KDM5B: variants seen among roughly 807,000 people sequenced by gnomAD.
KDM5B encodes lysine-specific demethylase 5B.
In KDM5B, 144 loss-of-function variants were observed where a neutral mutation model predicts 193.4. The observed-to-expected ratio is 0.74, with a 90% confidence interval of 0.65 to 0.86. The LOEUF (loss-of-function observed/expected upper bound fraction) is 0.86. Among genes scored for constraint, KDM5B ranks in the 40% least tolerant of loss-of-function variants. The probability of loss-of-function intolerance (pLI) is 0.00; values close to 1 mark genes in which losing one functional copy is unlikely to be tolerated. For missense variants in KDM5B, 1,833 were observed against 1,886.9 expected (o/e 0.97, Z 0.53); for synonymous variants, 668 against 682.6 (o/e 0.98, Z 0.33).
Position 202,733,527 on chromosome 1 carries a change from G to C in KDM5B, c.3783C>G (p.Asn1261Lys). The C allele has an allele frequency of 6.2e-7, 1 of 1,614,178 alleles. No homozygotes were observed. Among genetic ancestry groups the C allele is most frequent in the Non-Finnish European group, 8.5e-7 (1 of 1,180,026 alleles). ...ALRYMIERTV[N>K]WQHRAQQLLS... ...GCAGTTGCTGGGCTCTGTGCTGCCA[G>C]TTCACGGTTCTTTCAATCATATATC... The change falls in exon 23 of 27, where the codon AAC becomes AAG. Residue 1261 changes from asparagine to lysine, a missense_variant. Transcript: ENST00000367265.
intron 23 of KDM5B, among the ~76,000 whole-genome samples, chr1:202,733,179 A>G (rs1654955903): frequency 6.6e-6 from 1 of 152,236 alleles, no homozygotes; most frequent in Admixed American, 6.5e-5. Flanking sequence ...TATGTGCTCT[A>G]TAGAAAGAGT....
chr1:202,785,009 C>CAAA (rs11445160), intron 1 of KDM5B, among the ~76,000 whole-genome samples: 1 of 89,412 alleles, frequency 1.1e-5, no homozygotes, highest in Admixed American at 1.1e-4. Context: ...GAGCCTGTCT[C>CAAA]AAAAAAAAAA....
chr1:202,740,834 T>G (rs1655308227), intron 19 of KDM5B, 22 bp from the exon 20 acceptor site: 2 of 1,583,524 alleles, frequency 1.3e-6, no homozygotes, highest in Non-Finnish European at 1.7e-6. Flanking sequence ...AAACAAAGAC[T>G]TCTTAGCATT....
chr1:202,742,555 A>C (rs774163325), intron 17 of KDM5B, 50 bp from the exon 18 acceptor site: 1 of 1,600,764 alleles, frequency 6.2e-7, no homozygotes, highest in South Asian at 1.1e-5. Flanking sequence ...ATACATGTCC[A>C]CCACACCCAG....
At chr1:202,787,976 A>T (rs1323480285) in intron 1 of KDM5B, among the ~76,000 whole-genome samples, 4 of 152,044 alleles carry the variant, frequency 2.6e-5, no homozygotes, top group Admixed American at 2.6e-4. Flanking sequence ...GGATCCACTG[A>T]AAGGGTCTTG....
chr1:202,758,513 G>GA lies in KDM5B; in HGVS notation c.1078-4dup, dbSNP rs761144718. ...GCTTCTTGTGGCTTACTACATTCCT[G>GA]AAAATAAAGAAAATTACGTTCTAGG... On this transcript the variant is annotated splice_region_variant and splice_polypyrimidine_tract_variant and intron_variant, in intron 8 of 26. Coordinates refer to ENST00000367265, the MANE Select transcript of KDM5B (RefSeq NM_006618.5). The GA allele has an allele frequency of 2.0e-5, 32 of 1,599,036 alleles. No individual in the cohort carries two copies. In the Admixed American group the frequency reaches 5.4e-4, roughly 27 times the overall value.
At chr1:202,730,130 CA>C (rs1654829394) in intron 25 of KDM5B, 103 bp from the exon 26 acceptor site, 1 of 991,236 alleles carries the variant, frequency 1.0e-6, no homozygotes, top group Non-Finnish European at 1.4e-6. Context: ...GATGATCCCC[CA>C]ATCTACACGG....
At chr1:202,786,237 T>C (rs1657409370) in intron 1 of KDM5B, among the ~76,000 whole-genome samples, 1 of 150,694 alleles carries the variant, frequency 6.6e-6, no homozygotes, top group Non-Finnish European at 1.5e-5. Flanking sequence ...CTCAAACTCC[T>C]GGCCTCAAGC....
chr1:202,788,236 C>G (rs952654670), intron 1 of KDM5B, among the ~76,000 whole-genome samples: 6 of 152,130 alleles, frequency 3.9e-5, no homozygotes, highest in African/African-American at 1.4e-4. Context: ...ACCAAAAAGA[C>G]CCTGAAAATA....
intron 1 of KDM5B, among the ~76,000 whole-genome samples, chr1:202,791,299 T>C (rs1213797386): frequency 1.3e-5 from 2 of 152,228 alleles, no homozygotes; most frequent in Non-Finnish European, 2.9e-5. Flanking sequence ...ATCAATGGGA[T>C]ATACTCTATA....
intron 13 of KDM5B, among the ~76,000 whole-genome samples, 174 bp downstream of exon 13, chr1:202,750,484 AG>A (rs1302524195): frequency 6.6e-6 from 1 of 152,104 alleles, no homozygotes; most frequent in Non-Finnish European, 1.5e-5. Flanking sequence ...CATGTTGGCC[AG>A]GCTGGTCTCG....
chr1:202,742,456 G>C lies in KDM5B; in HGVS notation c.2524C>G (p.Leu842Val). The C allele has an allele frequency of 6.2e-7, 1 of 1,614,110 alleles. No homozygotes were observed. Among genetic ancestry groups the C allele is most frequent in the Non-Finnish European group, 8.5e-7 (1 of 1,180,028 alleles). ...KSQNQLTVNE[L>V]RQFVTQLYAL... ...TACAGCTGTGTTACAAACTGCCGGA[G>C]CTCATTCACTGTCAACTGATTTTGG... Residue 842 changes from leucine (L) to valine (V), a missense_variant, in exon 18 of 27, where the codon CTC becomes GTC. By Grantham distance (32) the Leu-to-Val change is conservative. This residue lies in a region of KDM5B where 1,379 missense variants were observed against 1,349.6 expected (regional missense o/e 1.02). Transcript: ENST00000367265.
intron 4 of KDM5B, among the ~76,000 whole-genome samples, chr1:202,771,871 C>T (rs1042562319): frequency 2.6e-5 from 4 of 152,138 alleles, no homozygotes; most frequent in Non-Finnish European, 5.9e-5. Context: ...TGAGCCATCG[C>T]GCCCGGCTCA....
intron 26 of KDM5B, chr1:202,729,504 G>A: frequency 1.7e-6 from 1 of 604,690 alleles, no homozygotes; most frequent in Non-Finnish European, 2.9e-6. Context: ...AAAAAGGGAA[G>A]AACAAGAGTT....
At chr1:202,771,168 T>C (rs1376358002) in intron 4 of KDM5B, among the ~76,000 whole-genome samples, 1 of 152,118 alleles carries the variant, frequency 6.6e-6, no homozygotes, top group African/African-American at 2.4e-5. Context: ...GATCTGACTA[T>C]AAGAGGCAAA....
intron 11 of KDM5B, among the ~76,000 whole-genome samples, chr1:202,753,665 T>TG (rs1470684995): frequency 1.1e-5 from 1 of 87,194 alleles, no homozygotes; most frequent in Non-Finnish European, 2.8e-5. Context: ...GTTGTTGTTG[T>TG]TTTTTTTTTG....
At chr1:202,807,618 C>G (rs1407635588) in intron 1 of KDM5B, among the ~76,000 whole-genome samples, 1 of 151,894 alleles carries the variant, frequency 6.6e-6, no homozygotes, top group Admixed American at 6.5e-5. Flanking sequence ...GAAAACTTTC[C>G]TCCTCGCACG....
intron 1 of KDM5B, among the ~76,000 whole-genome samples, chr1:202,807,557 C>G (rs1051947210): frequency 1.3e-5 from 2 of 152,020 alleles, no homozygotes; most frequent in Non-Finnish European, 2.9e-5. Context: ...AGGGCCGCTC[C>G]GGGCCGACGC....
intron 1 of KDM5B, chr1:202,796,063 T>C (rs1160204004): frequency 9.7e-6 from 2 of 205,146 alleles, no homozygotes; most frequent in Non-Finnish European, 2.0e-5. Context: ...ATTAGCTCCC[T>C]CCAACAAATG....
Sources: gnomAD v4.1 joint callset for allele counts (sites outside exome capture counted in the v4.1 genomes callset) on GRCh38, gnomAD v4.1.1 for gene constraint, gnomAD v4.1.1 regional missense constraint, MANE v1.5 for transcripts, NCBI Gene and HGNC (gene_info 2026-07-23, HGNC 2026-07-21) for gene names.